SAMD5: variants seen among roughly 807,000 people sequenced by gnomAD.
SAMD5 encodes sterile alpha motif domain-containing protein 5.
SAMD5 carries 13 observed loss-of-function variants against 11.3 expected under a neutral mutation model. The observed-to-expected ratio is 1.15, with a 90% CI of 0.75 to 1.83. The LOEUF (loss-of-function observed/expected upper bound fraction) is 1.83. SAMD5 is among the 40% of genes most tolerant of loss of function. The pLI is 0.00. For synonymous variants in SAMD5, 129 were observed against 111.3 expected, an observed-to-expected ratio of 1.16 and a Z score of -1.00; for missense variants, 255 against 239.1, an observed-to-expected ratio of 1.07 and a Z score of -0.44.
intron 1 of SAMD5, among the ~76,000 whole-genome samples, chr6:147,518,058 G>A (rs1303880858): frequency 6.6e-6 from 1 of 152,156 alleles, no homozygotes; most frequent in East Asian, 1.9e-4. Flanking sequence ...CAAAGAGCAA[G>A]GCACCTGTCA....
rs549775440 is a variant in SAMD5, at chr6:147,720,412, G to A, written c.163-16905G>A. On this transcript the variant is annotated intron_variant, in intron 1 of 1. Coordinates refer to the SAMD5 transcript ENST00000566741. ...CAGGAGGCGGAGCTTGCAGTGAGCC[G>A]AGATAGCGCCACTGCACTCCAGCCT... 2.2e-4 allele frequency among the ~76,000 whole-genome samples: 33 copies of A among 151,682 alleles called. No homozygotes were observed. In the South Asian group the frequency reaches 6.4e-3, roughly 30 times the overall value.
the SAMD5 span, among the ~76,000 whole-genome samples, chr6:147,783,374 A>G: frequency 2.4e-4 from 35 of 145,028 alleles, no homozygotes; most frequent in African/African-American, 9.1e-4. Context: ...CAATGTTGAA[A>G]ATACATTTTT....
chr6:147,766,104 GA>G, the SAMD5 span, among the ~76,000 whole-genome samples: 1,845 of 127,876 alleles, frequency 0.014, 29 homozygotes, highest in African/African-American at 0.042. Context: ...AGCAATGGAA[GA>G]AAAAAAAAAA....
At position 147,689,273 on chromosome 6, in the gene SAMD5, A is replaced by AGGTAAATGCAAACTCTATTTACCATT. The variant is rs1203285642; in HGVS notation, c.163-48043_163-48018dup. Among the ~76,000 whole-genome samples, 2 of 152,244 alleles carry AGGTAAATGCAAACTCTATTTACCATT rather than the reference A, an allele frequency of 1.3e-5. 1 individual carries two copies. Among genetic ancestry groups the AGGTAAATGCAAACTCTATTTACCATT allele is most frequent in the Non-Finnish European group, 2.9e-5 (2 of 68,042 alleles). On this transcript the variant is annotated intron_variant, in intron 1 of 1. Transcript: ENST00000566741. The stretch of plus-strand genomic sequence containing the variant: ...GGGGTTTGGCTTGGAAAGTGTTGAA[A>AGGTAAATGCAAACTCTATTTACCATT]GGTAAATGCAAACTCTATTTACCAT...
At chr6:147,921,593 T>C in the SAMD5 span, among the ~76,000 whole-genome samples, 1 of 152,192 alleles carries the variant, frequency 6.6e-6, no homozygotes, top group East Asian at 1.9e-4. Flanking sequence ...CTCAGGGGAC[T>C]TTTCCAAGAC....
In SAMD5 at chr6:147,681,324, T is replaced by C. The variant is rs115657735; in HGVS notation, c.163-55993T>C. On this transcript the variant is annotated intron_variant, in intron 1 of 1. Transcript: ENST00000566741. The stretch of plus-strand genomic sequence containing the variant: ...TCTGTAGTAACTAATCTGCTGTTAG[T>C]TGCATCCAGTATGTTTTTTTCATCT... Among the ~76,000 whole-genome samples the C allele has an allele frequency of 6.7e-3, 1,014 of 152,290 alleles. 11 individuals carry two copies. Among genetic ancestry groups the C allele is most frequent in the African/African-American group, 0.023 (968 of 41,544 alleles).
At chr6:147,657,633 G>T (rs563060449) in intron 1 of SAMD5, among the ~76,000 whole-genome samples, 2 of 152,320 alleles carry the variant, frequency 1.3e-5, no homozygotes, top group South Asian at 2.1e-4. Context: ...ATTTCTCACA[G>T]TTCTGGAGGC....
intron 1 of SAMD5, among the ~76,000 whole-genome samples, chr6:147,667,411 G>T (rs1489967344): frequency 6.6e-6 from 1 of 152,072 alleles, no homozygotes; most frequent in South Asian, 2.1e-4. Flanking sequence ...TTACAAAAAG[G>T]CGTTGGCATA....
At chr6:147,828,773 CACTG>C in the SAMD5 span, among the ~76,000 whole-genome samples, 3 of 152,176 alleles carry the variant, frequency 2.0e-5, 1 homozygote, top group South Asian at 6.2e-4. Flanking sequence ...CTTTGGAGAA[CACTG>C]ACTAATGCAG....
chr6:147,905,702 C>T, the SAMD5 span, among the ~76,000 whole-genome samples: 2 of 152,100 alleles, frequency 1.3e-5, no homozygotes, highest in East Asian at 3.9e-4. Flanking sequence ...GAATAAAATA[C>T]ACCAGGGAGT....
intron 1 of SAMD5, among the ~76,000 whole-genome samples, chr6:147,579,488 C>T (rs1470528969): frequency 9.0e-5 from 9 of 99,826 alleles, no homozygotes; most frequent in South Asian, 3.5e-4. Flanking sequence ...TTTTTTGAGA[C>T]GGAGTCTCAC....
intron 1 of SAMD5, among the ~76,000 whole-genome samples, chr6:147,715,965 AG>A (rs1259051092): frequency 3.9e-5 from 6 of 152,148 alleles, no homozygotes; most frequent in African/African-American, 1.4e-4. Context: ...GGCCATGAGT[AG>A]GCCTGGAAAA....
chr6:147,762,898 A>G, the SAMD5 span, among the ~76,000 whole-genome samples: 2 of 152,228 alleles, frequency 1.3e-5, no homozygotes, highest in South Asian at 4.1e-4. Context: ...CAGTTTTTTT[A>G]TAAACTATTT....
the SAMD5 span, among the ~76,000 whole-genome samples, chr6:147,772,635 G>C: frequency 6.6e-6 from 1 of 152,110 alleles, no homozygotes; most frequent in Admixed American, 6.5e-5. Flanking sequence ...GGCTTACAGA[G>C]AGCCACCTTC....
the SAMD5 span, among the ~76,000 whole-genome samples, chr6:147,891,733 AGCTC>A: frequency 6.6e-6 from 1 of 152,132 alleles, no homozygotes; most frequent in East Asian, 1.9e-4. Context: ...CTAAGATGAA[AGCTC>A]ATCAGCTGTA....
At chr6:147,859,592 T>G in the SAMD5 span, among the ~76,000 whole-genome samples, 1 of 152,232 alleles carries the variant, frequency 6.6e-6, no homozygotes, top group Admixed American at 6.5e-5. Flanking sequence ...AGATAAACTT[T>G]GTAAATATTC....
At chr6:147,750,117 A>C in the SAMD5 span, among the ~76,000 whole-genome samples, 1 of 152,224 alleles carries the variant, frequency 6.6e-6, no homozygotes, top group African/African-American at 2.4e-5. Context: ...TATGTGTTTT[A>C]TAGAACTTCT....
the SAMD5 span, among the ~76,000 whole-genome samples, chr6:147,816,520 T>G: frequency 6.6e-6 from 1 of 151,494 alleles, no homozygotes; most frequent in Non-Finnish European, 1.5e-5. Context: ...TGTAATATTA[T>G]CACATACAAA....
the SAMD5 span, among the ~76,000 whole-genome samples, chr6:147,864,557 G>C: frequency 6.6e-6 from 1 of 152,148 alleles, no homozygotes; most frequent in East Asian, 1.9e-4. Flanking sequence ...ATAGATGCCA[G>C]GAAGGAAAAG....
Sources: allele counts gnomAD v4.1 joint callset (sites outside exome capture counted in the v4.1 genomes callset), GRCh38; gene constraint gnomAD v4.1.1; transcripts MANE v1.5; gene names NCBI Gene and HGNC (gene_info 2026-07-23, HGNC 2026-07-21).